CNTNAP5: variants seen among roughly 807,000 people sequenced by gnomAD.
CNTNAP5 encodes contactin-associated protein-like 5.
Under a neutral mutation model 150.2 loss-of-function variants are expected in CNTNAP5, and 72 were observed. The observed-to-expected ratio is 0.48, with a 90% confidence interval of 0.40 to 0.58. The LOEUF (loss-of-function observed/expected upper bound fraction) is 0.58, where lower values mean the gene tolerates loss of function less well. Ranked by LOEUF, CNTNAP5 falls within the 20% of genes least tolerant of loss-of-function variation. The pLI, the probability that CNTNAP5 is intolerant of heterozygous loss-of-function variation, is 0.00. For synonymous variants in CNTNAP5, 672 were observed against 619.8 expected (o/e 1.08, Z -1.25); for missense variants, 1,636 against 1,626.2 (o/e 1.01, Z -0.10).
At chr2:124,440,199 C>T (rs779038677) in intron 5 of CNTNAP5, among the ~76,000 whole-genome samples, 3 of 152,082 alleles carry the variant, frequency 2.0e-5, no homozygotes, top group African/African-American at 7.2e-5. Flanking sequence ...TTAAGAAATA[C>T]AAGTGAATAT....
chr2:124,666,184 A>G (rs566531103), intron 13 of CNTNAP5, among the ~76,000 whole-genome samples: 84 of 152,294 alleles, frequency 5.5e-4, no homozygotes, highest in African/African-American at 1.8e-3. Flanking sequence ...ACACATATCA[A>G]TCCATGGAAA....
chr2:124,171,205 C>T lies in CNTNAP5; in HGVS notation c.83-50500C>T, dbSNP rs115711355. Among the ~76,000 whole-genome samples the T allele has an allele frequency of 4.7e-3, 712 of 152,260 alleles. 7 individuals are homozygous for T. The highest frequency in any genetic ancestry group is 0.017 in the African/African-American group (691 of 41,546). Reference sequence around the variant, plus strand: ...TCAGATGTCCTGTTGGCTCTCCTGTCCTCTGCAAATGCTCTTTCTCTGTTC... The same window carrying T: ...TCAGATGTCCTGTTGGCTCTCCTGTTCTCTGCAAATGCTCTTTCTCTGTTC... On this transcript the variant is annotated intron_variant, in intron 1 of 23. Coordinates refer to ENST00000682447, the MANE Select transcript of CNTNAP5 (RefSeq NM_001367498.1).
At chr2:124,047,022 G>C (rs1169405187) in intron 1 of CNTNAP5, among the ~76,000 whole-genome samples, 1 of 152,128 alleles carries the variant, frequency 6.6e-6, no homozygotes, top group African/African-American at 2.4e-5. Context: ...TTGTTCAAAT[G>C]ATCCATCTTA....
chr2:124,507,227 G>C (rs2104866542), intron 8 of CNTNAP5, among the ~76,000 whole-genome samples: 1 of 152,240 alleles, frequency 6.6e-6, no homozygotes, highest in African/African-American at 2.4e-5. Context: ...GAGAGGCCAA[G>C]GAGGGCAGAT....
At chr2:124,072,310 T>C (rs1349861744) in intron 1 of CNTNAP5, among the ~76,000 whole-genome samples, 5 of 151,710 alleles carry the variant, frequency 3.3e-5, no homozygotes, top group African/African-American at 4.8e-5. Context: ...TCCTCTAAGA[T>C]GTGGGAAAAA....
chr2:124,675,777 C>A (rs1188878373), intron 13 of CNTNAP5, among the ~76,000 whole-genome samples: 1 of 151,966 alleles, frequency 6.6e-6, no homozygotes, highest in Admixed American at 6.6e-5. Context: ...TCCTTTAATT[C>A]TTTAGAGATA....
intron 3 of CNTNAP5, among the ~76,000 whole-genome samples, chr2:124,297,970 G>A (rs1041103304): frequency 2.0e-5 from 3 of 151,718 alleles, no homozygotes; most frequent in African/African-American, 7.3e-5. Context: ...TCAGCCTCCT[G>A]AGTAGCTGAG....
chr2:124,816,767 C>G (rs561806411), intron 19 of CNTNAP5, among the ~76,000 whole-genome samples: 1 of 152,072 alleles, frequency 6.6e-6, no homozygotes, highest in Non-Finnish European at 1.5e-5. Flanking sequence ...CATGAGCCAC[C>G]GTGCATGGCT....
In CNTNAP5 at chr2:124,528,327, A is replaced by G. The variant is rs186224083; in HGVS notation, c.1649+871A>G. Among the ~76,000 whole-genome samples the G allele has an allele frequency of 5.3e-4, 80 of 152,302 alleles. No homozygotes were observed. In the East Asian group the frequency reaches 0.013, roughly 25 times the overall value. On this transcript the variant is annotated intron_variant, in intron 10 of 23. Coordinates refer to ENST00000682447, the MANE Select transcript of CNTNAP5 (RefSeq NM_001367498.1). The stretch of plus-strand genomic sequence containing the variant: ...CACCCTTATTTGTCAGACACATGGC[A>G]GCAGCAACTTAGTCTGACCCTGAGA...
At position 124,642,827 on chromosome 2, in the gene CNTNAP5, C is replaced by T. The variant is rs1186344543; in HGVS notation, c.1877-4931C>T. ...AAACACAAAAATGAATTATGCATTT[C>T]ATGTCCTAAAAGATCTCATAGCTTT... On this transcript the variant is annotated intron_variant, in intron 12 of 23. Transcript: ENST00000682447. Among the ~76,000 whole-genome samples, 3 of 152,180 alleles carry T rather than the reference C, an allele frequency of 2.0e-5. No individual in the cohort carries two copies. The East Asian group carries it at 5.8e-4, about 29-fold the overall frequency.
At chr2:124,443,062 T>C (rs1036424194) in intron 5 of CNTNAP5, among the ~76,000 whole-genome samples, 2 of 151,728 alleles carry the variant, frequency 1.3e-5, no homozygotes, top group African/African-American at 4.9e-5. Context: ...TGTCCTCCAG[T>C]TCTTTATCTA....
At chr2:124,257,060 C>CA (rs879277092) in intron 3 of CNTNAP5, among the ~76,000 whole-genome samples, 2 of 152,082 alleles carry the variant, frequency 1.3e-5, no homozygotes, top group Non-Finnish European at 2.9e-5. Flanking sequence ...CACGCAGTCC[C>CA]AAAGACTACC....
At chr2:124,707,124 A>AG (rs1441690963) in intron 13 of CNTNAP5, among the ~76,000 whole-genome samples, 914 of 59,592 alleles carry the variant, frequency 0.015, 66 homozygotes, top group African/African-American at 0.053. Flanking sequence ...AAGAAGAAGA[A>AG]AGAAGAAGAA....
chr2:124,397,441 A>C (rs1474058036), intron 3 of CNTNAP5, among the ~76,000 whole-genome samples: 1 of 152,114 alleles, frequency 6.6e-6, no homozygotes, highest in East Asian at 1.9e-4. Context: ...TATTCTTAGA[A>C]AGGCACTAAT....
At chr2:124,407,205 C>A (rs1691594100) in intron 3 of CNTNAP5, among the ~76,000 whole-genome samples, 1 of 152,160 alleles carries the variant, frequency 6.6e-6, no homozygotes, top group African/African-American at 2.4e-5. Flanking sequence ...TACATTTTCA[C>A]TAGAGGGATT....
chr2:124,839,431 C>G (rs1682897546), intron 19 of CNTNAP5, among the ~76,000 whole-genome samples: 1 of 151,552 alleles, frequency 6.6e-6, no homozygotes, highest in Non-Finnish European at 1.5e-5. Flanking sequence ...CACACACTCT[C>G]TCTCTCTCTC....
intron 21 of CNTNAP5, among the ~76,000 whole-genome samples, chr2:124,876,479 G>C (rs374774217): frequency 6.6e-6 from 1 of 151,746 alleles, no homozygotes; most frequent in South Asian, 2.1e-4. Context: ...AGAAGAGGGT[G>C]CAGTTATAGC....
intron 1 of CNTNAP5, among the ~76,000 whole-genome samples, chr2:124,085,462 T>C (rs1396609049): frequency 6.7e-6 from 1 of 148,562 alleles, no homozygotes; most frequent in Non-Finnish European, 1.5e-5. Context: ...GTCAATTTTA[T>C]TGATTTTTTT....
At chr2:124,288,063 G>A (rs2104630656) in intron 3 of CNTNAP5, among the ~76,000 whole-genome samples, 1 of 152,200 alleles carries the variant, frequency 6.6e-6, no homozygotes, top group East Asian at 1.9e-4. Context: ...TCAAGTAGCT[G>A]GAACTACAGG....
Sources: gnomAD v4.1 joint callset for allele counts (sites outside exome capture counted in the v4.1 genomes callset) on GRCh38, gnomAD v4.1.1 for gene constraint, MANE v1.5 for transcripts, NCBI Gene and HGNC (gene_info 2026-07-23, HGNC 2026-07-21) for gene names.